NEGR1: variants seen among roughly 807,000 people sequenced by gnomAD.
NEGR1 encodes neuronal growth regulator 1.
Under a neutral mutation model 40.9 loss-of-function variants are expected in NEGR1, and 10 were observed. The observed-to-expected ratio is 0.24, with a 90% CI of 0.15 to 0.42. The LOEUF is 0.42. Ranked by LOEUF, NEGR1 falls within the 10% of genes least tolerant of loss-of-function variation. The pLI is 1.00. For synonymous variants in NEGR1, 185 were observed against 166.8 expected, an observed-to-expected ratio of 1.11 and a Z score of -0.84; for missense variants, 352 against 438.9, an observed-to-expected ratio of 0.80 and a Z score of 1.77.
chr1:71,409,100 A>G (rs1485460267), intron 6 of NEGR1: 1 of 152,040 alleles, frequency 6.6e-6, no homozygotes, highest in Non-Finnish European at 1.5e-5. Flanking sequence ...ATTACAAATG[A>G]GTTTTTTAAA....
intron 1 of NEGR1, among the ~76,000 whole-genome samples, chr1:72,167,969 T>C (rs1334005980): frequency 6.6e-6 from 1 of 151,348 alleles, no homozygotes; most frequent in Non-Finnish European, 1.5e-5. Context: ...AGACAAATAA[T>C]GTCATGATTA....
At chr1:71,911,741 A>G (rs890321171) in intron 2 of NEGR1, among the ~76,000 whole-genome samples, 1 of 152,222 alleles carries the variant, frequency 6.6e-6, no homozygotes, top group Non-Finnish European at 1.5e-5. Flanking sequence ...GAAAGAAAGA[A>G]AGGGCTGTTG....
intron 4 of NEGR1, among the ~76,000 whole-genome samples, chr1:71,683,241 G>T (rs973002016): frequency 6.6e-6 from 1 of 151,936 alleles, no homozygotes; most frequent in Non-Finnish European, 1.5e-5. Context: ...ATGGCCCTTC[G>T]TGGGGGTCTT....
chr1:72,231,809 A>AGAAGAAAT (rs1452319858), intron 1 of NEGR1, among the ~76,000 whole-genome samples: 13 of 152,300 alleles, frequency 8.5e-5, no homozygotes, highest in Non-Finnish European at 1.9e-4. Flanking sequence ...AATGGCAAAT[A>AGAAGAAAT]GAAGAAATGA....
At chr1:71,439,232 T>A (rs1646530589) in intron 6 of NEGR1, among the ~76,000 whole-genome samples, 1 of 152,168 alleles carries the variant, frequency 6.6e-6, no homozygotes, top group Non-Finnish European at 1.5e-5. Context: ...AAAGATCAAC[T>A]CATTTACAAA....
chr1:71,691,884 T>A (rs989803095), intron 4 of NEGR1, among the ~76,000 whole-genome samples: 2 of 151,362 alleles, frequency 1.3e-5, no homozygotes, highest in African/African-American at 2.4e-5. Context: ...TTTTTTTTTT[T>A]AATTTTAGAA....
intron 3 of NEGR1, among the ~76,000 whole-genome samples, chr1:71,716,210 C>T (rs138500004): frequency 3.3e-5 from 5 of 152,170 alleles, no homozygotes; most frequent in Non-Finnish European, 5.9e-5. Flanking sequence ...ACGAGAATAG[C>T]ATGGGGGAAG....
chr1:71,553,007 C>T, intron 6 of NEGR1, among the ~76,000 whole-genome samples: 1 of 151,294 alleles, frequency 6.6e-6, no homozygotes, highest in Non-Finnish European at 1.5e-5. Flanking sequence ...TATTTATTTG[C>T]AGTCTATTTC....
chr1:72,206,678 G>A (rs1291483825), intron 1 of NEGR1, among the ~76,000 whole-genome samples: 1 of 151,976 alleles, frequency 6.6e-6, no homozygotes, highest in Non-Finnish European at 1.5e-5. Context: ...AACAAGTCAT[G>A]TTTCATTTTA....
chr1:72,015,332 TA>T (rs905671439), intron 1 of NEGR1, among the ~76,000 whole-genome samples: 24 of 147,674 alleles, frequency 1.6e-4, no homozygotes, highest in Admixed American at 4.7e-4. Context: ...GCACTTCTTC[TA>T]AAAAAAAAAC....
In NEGR1 at chr1:71,943,004, GTA is replaced by G. The variant is rs1157347061; in HGVS notation, c.177-7695_177-7694del. 8.3e-5 allele frequency among the ~76,000 whole-genome samples: 10 copies of G among 120,632 alleles called. No homozygotes were observed. In the East Asian group the frequency reaches 1.9e-3, roughly 23 times the overall value. 79.1% of individuals were successfully genotyped at this position (120,632 alleles called of 152,430 possible). A position where few individuals can be genotyped will look rare whatever the true frequency, so the allele number is the denominator to read the frequency against. On this transcript the variant is annotated intron_variant, in intron 1 of 6. Transcript: ENST00000357731. Reference sequence around the variant, plus strand: ...TATATATGTGTATATATATGTGTGTGTATATATATATGTGTATATATATACAC... The same window carrying G: ...TATATATGTGTATATATATGTGTGTGTATATATATGTGTATATATATACAC...
At chr1:72,140,199 C>T (rs986782772) in intron 1 of NEGR1, among the ~76,000 whole-genome samples, 1 of 148,768 alleles carries the variant, frequency 6.7e-6, no homozygotes, top group Non-Finnish European at 1.5e-5. Flanking sequence ...TTCTGACCTG[C>T]TCTTCAGGAC....
intron 3 of NEGR1, among the ~76,000 whole-genome samples, chr1:71,717,302 T>C (rs1368699595): frequency 1.3e-5 from 2 of 152,250 alleles, no homozygotes; most frequent in African/African-American, 2.4e-5. Flanking sequence ...TTACATGTCC[T>C]CTATGCCTGT....
chr1:71,726,633 T>G (rs995499733), intron 3 of NEGR1, among the ~76,000 whole-genome samples: 1 of 152,102 alleles, frequency 6.6e-6, no homozygotes, highest in African/African-American at 2.4e-5. Context: ...TCTTAATGTC[T>G]TTAATCTCAG....
intron 4 of NEGR1, among the ~76,000 whole-genome samples, chr1:71,638,212 T>A (rs1239919431): frequency 6.6e-6 from 1 of 152,064 alleles, no homozygotes; most frequent in Non-Finnish European, 1.5e-5. Flanking sequence ...CCACTACCTC[T>A]TCTTTGAAGC....
intron 1 of NEGR1, among the ~76,000 whole-genome samples, chr1:72,241,558 C>G (rs1255892174): frequency 1.3e-5 from 2 of 151,542 alleles, no homozygotes; most frequent in Non-Finnish European, 3.0e-5. Context: ...GTCCACAAAT[C>G]CTTTTATTCT....
At chr1:71,963,758 T>C (rs970833061) in intron 1 of NEGR1, among the ~76,000 whole-genome samples, 1 of 152,196 alleles carries the variant, frequency 6.6e-6, no homozygotes, top group Non-Finnish European at 1.5e-5. Context: ...CTCCCAAAGA[T>C]AATCCCATTG....
chr1:72,156,966 TC>T (rs66913796), intron 1 of NEGR1, among the ~76,000 whole-genome samples: 75,077 of 149,276 alleles, frequency 0.5, 19,570 homozygotes, highest in East Asian at 0.83. Flanking sequence ...GTTGTTGTTG[TC>T]TGTTTGTGTG....
intron 6 of NEGR1, among the ~76,000 whole-genome samples, chr1:71,482,889 A>G (rs1299485163): frequency 6.6e-6 from 1 of 151,884 alleles, no homozygotes; most frequent in East Asian, 1.9e-4. Flanking sequence ...CTAACGATGA[A>G]ATTTACATTT....
Sources: allele counts gnomAD v4.1 joint callset (sites outside exome capture counted in the v4.1 genomes callset), GRCh38; gene constraint gnomAD v4.1.1; transcripts MANE v1.5; gene names NCBI Gene and HGNC (gene_info 2026-07-23, HGNC 2026-07-21).